Variants in CCDC47 observed in about 807,000 individuals in gnomAD.
The protein encoded by CCDC47 is coiled-coil domain containing 47, also known as PAT complex subunit CCDC47.
Under a neutral mutation model 60.5 loss-of-function variants are expected in CCDC47, and 41 were observed. The observed-to-expected ratio is 0.68, with a 90% CI of 0.53 to 0.88. CCDC47 has a LOEUF of 0.88. Among genes scored for constraint, CCDC47 ranks in the 40% least tolerant of loss-of-function variants. The pLI is 0.00. For missense variants in CCDC47, 513 were observed against 580.9 expected (o/e 0.88, Z 1.20); for synonymous variants, 195 against 190.7 (o/e 1.02, Z -0.18).
intron 5 of CCDC47, 79 bp downstream of exon 5, chr17:63,761,151 T>C (rs1472548242): frequency 7.1e-6 from 11 of 1,560,034 alleles, no homozygotes; most frequent in Non-Finnish European, 9.7e-6. Context: ...AGGGATAAGA[T>C]GCTGAATTGG....
chr17:63,754,870 A>G (rs1431997192), intron 8 of CCDC47, among the ~76,000 whole-genome samples: 1 of 150,348 alleles, frequency 6.7e-6, no homozygotes, highest in Non-Finnish European at 1.5e-5. Flanking sequence ...GCGACAGAGC[A>G]ACACTCTGTC....
chr17:63,772,039 G>A (rs1003065008), intron 1 of CCDC47, among the ~76,000 whole-genome samples: 76 of 151,838 alleles, frequency 5.0e-4, no homozygotes, highest in African/African-American at 1.7e-3. Flanking sequence ...CCAAGATTGC[G>A]CCACTGCACT....
Position 63,745,967 on chromosome 17 carries a change from T to C in CCDC47, c.*914A>G, listed in dbSNP as rs1472910910. 2.0e-5 allele frequency: 3 copies of C among 152,160 alleles called. No homozygotes were observed. Among genetic ancestry groups the C allele is most frequent in the Non-Finnish European group, 4.4e-5 (3 of 68,040 alleles). 9.4% of individuals were successfully genotyped at this position (152,160 alleles called of 1,614,324 possible). Reference sequence around the variant, plus strand: ...TACCCAGCCTCAACTGTGGAAAAGATAAAAGCAGAGGGAGAAGCAACGGCA... The same window carrying C: ...TACCCAGCCTCAACTGTGGAAAAGACAAAAGCAGAGGGAGAAGCAACGGCA... On this transcript the variant is annotated 3_prime_UTR_variant, in exon 13 of 13. Coordinates refer to ENST00000225726, the MANE Select transcript of CCDC47 (RefSeq NM_020198.3).
chr17:63,762,090 A>G (rs2039265796), intron 4 of CCDC47: 5 of 984,878 alleles, frequency 5.1e-6, no homozygotes, highest in East Asian at 1.1e-4. Context: ...TTCTTTTCCA[A>G]TGCAAAATGA....
intron 1 of CCDC47, among the ~76,000 whole-genome samples, chr17:63,771,061 A>AAAGAAATT (rs774827952): frequency 1.4e-5 from 2 of 147,152 alleles, no homozygotes; most frequent in South Asian, 2.2e-4. Flanking sequence ...AGAAAGAAAG[A>AAAGAAATT]AATTAAATGT....
At chr17:63,771,060 G>GAAAGAAAT (rs1355454890) in intron 1 of CCDC47, among the ~76,000 whole-genome samples, 1 of 149,294 alleles carries the variant, frequency 6.7e-6, no homozygotes, top group African/African-American at 2.5e-5. Context: ...AAGAAAGAAA[G>GAAAGAAAT]AAATTAAATG....
chr17:63,765,232 T>C (rs2039289281), intron 2 of CCDC47, among the ~76,000 whole-genome samples: 1 of 152,094 alleles, frequency 6.6e-6, no homozygotes, highest in Non-Finnish European at 1.5e-5. Flanking sequence ...AACACTATGT[T>C]GTGCACCTTA....
intron 4 of CCDC47, 77 bp from the exon 5 acceptor site, chr17:63,761,428 T>C (rs991872849): frequency 1.4e-5 from 21 of 1,539,062 alleles, no homozygotes; most frequent in Non-Finnish European, 1.8e-5. Flanking sequence ...ACGCCTATAA[T>C]CCCAGCACTT....
At chr17:63,754,307 T>G in intron 9 of CCDC47, 126 bp downstream of exon 9, 2 of 661,902 alleles carry the variant, frequency 3.0e-6, no homozygotes, top group South Asian at 1.7e-5. Context: ...CAAAGGAAAA[T>G]GTGGAGGCCT....
intron 8 of CCDC47, among the ~76,000 whole-genome samples, chr17:63,755,923 CAA>C (rs59036340): frequency 0.4 from 38,736 of 98,004 alleles, 5,021 homozygotes; most frequent in South Asian, 0.6. Context: ...AACTGGAGCT[CAA>C]AAAAAAAAAA....
chr17:63,750,557 A>G (rs1218586291), intron 12 of CCDC47, among the ~76,000 whole-genome samples: 1 of 151,924 alleles, frequency 6.6e-6, no homozygotes, highest in African/African-American at 2.4e-5. Flanking sequence ...TATTCTTACT[A>G]AAATTCACAT....
intron 12 of CCDC47, among the ~76,000 whole-genome samples, chr17:63,748,208 C>A (rs1322388618): frequency 6.6e-6 from 1 of 151,182 alleles, no homozygotes; most frequent in Non-Finnish European, 1.5e-5. Flanking sequence ...TGCTCTGTTG[C>A]CTGGGATGAC....
At chr17:63,762,313 G>A (rs1711800926) in intron 4 of CCDC47, 1 of 871,406 alleles carries the variant, frequency 1.1e-6, no homozygotes, top group Non-Finnish European at 1.4e-6. Context: ...GAATTTCCTG[G>A]TCAAAACATA....
intron 6 of CCDC47, among the ~76,000 whole-genome samples, chr17:63,759,745 A>C (rs2039242053): frequency 6.6e-6 from 1 of 150,780 alleles, no homozygotes; most frequent in Admixed American, 6.6e-5. Context: ...TTCTTGTAGC[A>C]GTGGGAGCCA....
intron 1 of CCDC47, among the ~76,000 whole-genome samples, chr17:63,769,646 A>G (rs2039322495): frequency 6.6e-6 from 1 of 151,788 alleles, no homozygotes. Flanking sequence ...AAAGAAAAGA[A>G]AAAGAAAACA....
intron 12 of CCDC47, chr17:63,751,686 G>C: frequency 1.8e-6 from 1 of 561,098 alleles, no homozygotes; most frequent in Non-Finnish European, 3.1e-6. Flanking sequence ...ACTGATAATG[G>C]AATTTTCAAA....
chr17:63,770,658 A>C (rs982064016), intron 1 of CCDC47, among the ~76,000 whole-genome samples: 1 of 152,192 alleles, frequency 6.6e-6, no homozygotes, highest in Non-Finnish European at 1.5e-5. Context: ...GTTATTGTCG[A>C]ATGCCTTGCA....
At chr17:63,772,680 G>A (rs1422134198) in intron 1 of CCDC47, 3 of 152,158 alleles carry the variant, frequency 2.0e-5, no homozygotes, top group African/African-American at 7.2e-5. Context: ...TTTCCAATTA[G>A]AATATTCACA....
chr17:63,756,197 A>G (rs746150296), intron 8 of CCDC47, 43 bp downstream of exon 8: 4 of 1,365,992 alleles, frequency 2.9e-6, no homozygotes, highest in Non-Finnish European at 2.1e-6. Flanking sequence ...AGTGTCCTGT[A>G]AATGCCAAGG....
Sources: gnomAD v4.1 joint callset for allele counts (sites outside exome capture counted in the v4.1 genomes callset) on GRCh38, gnomAD v4.1.1 for gene constraint, MANE v1.5 for transcripts, NCBI Gene and HGNC (gene_info 2026-07-23, HGNC 2026-07-21) for gene names.